SNAPC3: variants seen among roughly 807,000 people sequenced by gnomAD.
SNAPC3 encodes the protein snRNA-activating protein complex subunit 3.
A neutral mutation model predicts 47.7 loss-of-function variants in SNAPC3; 56 were observed. The ratio of observed to expected loss-of-function variants is 1.18; its 90% CI spans 0.95 to 1.47. The LOEUF (loss-of-function observed/expected upper bound fraction) is 1.47, where lower values mean the gene tolerates loss of function less well. Among genes scored for constraint, SNAPC3 ranks in the 40% most tolerant of loss-of-function variants. SNAPC3 has a pLI of 0.00. For synonymous variants in SNAPC3, 235 were observed against 189.9 expected (o/e 1.24, Z -1.95); for missense variants, 665 against 511.3 (o/e 1.30, Z -2.90).
chr9:15,425,188 C>T (rs562860319), intron 2 of SNAPC3, among the ~76,000 whole-genome samples: 1 of 152,286 alleles, frequency 6.6e-6, no homozygotes, highest in African/African-American at 2.4e-5. Context: ...GCCTCTCTCC[C>T]ATCTGAAACA....
downstream of SNAPC3, chr9:15,461,858 T>A (rs764184494): frequency 4.6e-5 from 7 of 152,328 alleles, no homozygotes; most frequent in Middle Eastern, 3.4e-3. Flanking sequence ...ATAATCAGTA[T>A]AGAGAACTTA....
At chr9:15,450,852 C>T (rs924737885) in intron 5 of SNAPC3, among the ~76,000 whole-genome samples, 9 of 152,166 alleles carry the variant, frequency 5.9e-5, no homozygotes, top group African/African-American at 2.2e-4. Context: ...GGTACAACTA[C>T]AGTACCTGGG....
downstream of SNAPC3, chr9:15,463,835 G>GCTT (rs1265040223): frequency 3.3e-5 from 5 of 152,350 alleles, no homozygotes; most frequent in African/African-American, 1.2e-4. Context: ...ATATTCTGTG[G>GCTT]CTTCTTTGTA....
chr9:15,435,150 T>C (rs2032633848), intron 3 of SNAPC3, among the ~76,000 whole-genome samples: 1 of 152,256 alleles, frequency 6.6e-6, no homozygotes, highest in South Asian at 2.1e-4. Context: ...TCGATTTGCA[T>C]TTCCCTAATA....
intron 3 of SNAPC3, among the ~76,000 whole-genome samples, chr9:15,437,548 T>G (rs989511991): frequency 2.0e-5 from 3 of 151,692 alleles, no homozygotes; most frequent in African/African-American, 7.3e-5. Context: ...CCTATTTTCT[T>G]TAGTGTTTTT....
chr9:15,426,580 T>C (rs1419435078), intron 2 of SNAPC3, among the ~76,000 whole-genome samples: 4 of 152,214 alleles, frequency 2.6e-5, no homozygotes, highest in Non-Finnish European at 5.9e-5. Flanking sequence ...CAGGAAGTGA[T>C]TTTTAGAGAT....
downstream of SNAPC3, chr9:15,464,673 A>AT (rs902938480): frequency 5.0e-6 from 1 of 198,082 alleles, no homozygotes; most frequent in African/African-American, 2.3e-5. Context: ...TCCTAAAGAC[A>AT]TTTTTAACAA....
chr9:15,425,729 G>A, intron 2 of SNAPC3, among the ~76,000 whole-genome samples: 1 of 152,168 alleles, frequency 6.6e-6, no homozygotes, highest in East Asian at 1.9e-4. Flanking sequence ...ATTGTTGATT[G>A]ATTAGTTGTA....
In SNAPC3 at chr9:15,430,169, G is replaced by T. The variant is rs1051678010; in HGVS notation, c.393-3383G>T. ...TAACAGGTTGCGTGCAGTGGCTCATGCCTGTACTCTCAACACTTGGGGAGG... is the reference window on the plus strand; with the variant it reads ...TAACAGGTTGCGTGCAGTGGCTCATTCCTGTACTCTCAACACTTGGGGAGG... On this transcript the variant is annotated intron_variant, in intron 2 of 8. Coordinates refer to ENST00000380821, the MANE Select transcript of SNAPC3 (RefSeq NM_001039697.2). 6.6e-5 allele frequency among the ~76,000 whole-genome samples: 10 copies of T among 152,340 alleles called. 1 individual carries two copies. Among genetic ancestry groups the T allele is most frequent in the Admixed American group, 5.9e-4 (9 of 15,302 alleles).
At chr9:15,466,182 G>A (rs577244840), downstream of SNAPC3, among the ~76,000 whole-genome samples, 7 of 152,224 alleles carry the variant, frequency 4.6e-5, no homozygotes, top group East Asian at 1.9e-4. Context: ...GTTCGAGGCC[G>A]GGCTGGCCAA....
chr9:15,447,284 A>C (rs768931853), intron 5 of SNAPC3, 40 bp downstream of exon 5: 1 of 1,590,550 alleles, frequency 6.3e-7, no homozygotes, highest in Non-Finnish European at 8.6e-7. Context: ...GGAAATAACA[A>C]GCTAAGAAAA....
chr9:15,446,305 C>T (rs1194991296), intron 4 of SNAPC3, among the ~76,000 whole-genome samples: 1 of 152,180 alleles, frequency 6.6e-6, no homozygotes, highest in African/African-American at 2.4e-5. Context: ...CAGCTTCGCT[C>T]GAGCAATCCT....
chr9:15,442,199 G>A (rs1363693302), intron 3 of SNAPC3, among the ~76,000 whole-genome samples: 5 of 148,406 alleles, frequency 3.4e-5, no homozygotes, highest in Admixed American at 6.6e-5. Context: ...GGCCGGGCGG[G>A]GGCTGCCCCC....
At chr9:15,449,555 ATATATATATTTTTTTT>A (rs1437345427) in intron 5 of SNAPC3, among the ~76,000 whole-genome samples, 8 of 38,666 alleles carry the variant, frequency 2.1e-4, no homozygotes, top group African/African-American at 8.7e-4. Flanking sequence ...ATATATATAT[ATATATATATTTTTTTT>A]TTTTTTTTTT....
intron 5 of SNAPC3, among the ~76,000 whole-genome samples, chr9:15,450,142 A>C (rs2034281730): frequency 1.3e-5 from 2 of 152,250 alleles, no homozygotes; most frequent in South Asian, 4.1e-4. Context: ...TAGTCATATG[A>C]CATTAAGTAC....
chr9:15,425,122 C>T (rs1023499883), intron 2 of SNAPC3, among the ~76,000 whole-genome samples: 3 of 152,126 alleles, frequency 2.0e-5, no homozygotes, highest in South Asian at 2.1e-4. Context: ...CCCAAATTTG[C>T]CTTTCCAGAT....
At chr9:15,454,808 C>T (rs1225232096) in intron 7 of SNAPC3, among the ~76,000 whole-genome samples, 2 of 152,224 alleles carry the variant, frequency 1.3e-5, no homozygotes, top group Non-Finnish European at 2.9e-5. Context: ...GTGGTGGGCA[C>T]CTGTAGTCCT....
At chr9:15,449,652 C>T (rs1333892801) in intron 5 of SNAPC3, among the ~76,000 whole-genome samples, 1 of 144,624 alleles carries the variant, frequency 6.9e-6, no homozygotes, top group East Asian at 2.1e-4. Flanking sequence ...CTCACTGCAA[C>T]CTCTGCCTCT....
At chr9:15,435,022 T>A (rs777695956) in intron 3 of SNAPC3, among the ~76,000 whole-genome samples, 1 of 152,200 alleles carries the variant, frequency 6.6e-6, no homozygotes, top group Non-Finnish European at 1.5e-5. Context: ...CCGTATTACA[T>A]TCCCATCAGT....
Sources: gnomAD v4.1 joint callset for allele counts (sites outside exome capture counted in the v4.1 genomes callset) on GRCh38, gnomAD v4.1.1 for gene constraint, MANE v1.5 for transcripts, NCBI Gene and HGNC (gene_info 2026-07-23, HGNC 2026-07-21) for gene names.